The following UQCC1 variants were observed in gnomAD, a reference collection of about 807,000 sequenced individuals.
The protein encoded by UQCC1 is bFGF-repressed Zic-binding protein.
Under a neutral mutation model 48.0 loss-of-function variants are expected in UQCC1, and 38 were observed. The observed-to-expected ratio is 0.79, with a 90% CI of 0.61 to 1.04. The LOEUF (loss-of-function observed/expected upper bound fraction) is 1.04, where lower values mean the gene tolerates loss of function less well. Ranked by LOEUF, UQCC1 falls within the 50% of genes least tolerant of loss-of-function variation. The pLI is 0.00. For synonymous variants in UQCC1, 111 were observed against 129.2 expected (o/e 0.86, Z 0.95); for missense variants, 368 against 381.8 (o/e 0.96, Z 0.30).
intron 2 of UQCC1, among the ~76,000 whole-genome samples, chr20:35,385,880 T>G (rs2061936611): frequency 6.7e-6 from 1 of 149,950 alleles, no homozygotes; most frequent in African/African-American, 2.5e-5. Flanking sequence ...TTTAGGCTCA[T>G]AGCAAAACTT....
chr20:35,394,241 C>T (rs751188554), intron 1 of UQCC1, 45 bp from the exon 2 acceptor site: 6 of 1,523,852 alleles, frequency 3.9e-6, no homozygotes. Context: ...AAATCATACT[C>T]CCTACATGGA....
chr20:35,392,512 T>C (rs938598542), intron 2 of UQCC1, among the ~76,000 whole-genome samples: 61 of 152,192 alleles, frequency 4.0e-4, no homozygotes, highest in African/African-American at 1.4e-3. Flanking sequence ...ATTCATATAA[T>C]GAGTTATTTT....
At chr20:35,343,250 TG>T (rs67641324) in intron 7 of UQCC1, among the ~76,000 whole-genome samples, 4,261 of 152,278 alleles carry the variant, frequency 0.028, 209 homozygotes, top group African/African-American at 0.097. Context: ...ATTTTCAAGC[TG>T]AAAAAAAGCT....
chr20:35,389,481 T>G (rs2061987656), intron 2 of UQCC1, among the ~76,000 whole-genome samples: 1 of 151,816 alleles, frequency 6.6e-6, no homozygotes, highest in African/African-American at 2.4e-5. Flanking sequence ...GAGAATCACT[T>G]GAACCCGGGA....
Position 35,388,308 on chromosome 20 carries a change from T to TTTTG in UQCC1, c.130-4176_130-4175insCAAA, listed in dbSNP as rs67663221. 8.2e-5 allele frequency among the ~76,000 whole-genome samples: 10 copies of TTTTG among 121,248 alleles called. 1 individual carries two copies. The highest frequency in any genetic ancestry group is 2.6e-4 in the South Asian group (1 of 3,904). 79.5% of individuals were successfully genotyped at this position (121,248 alleles called of 152,430 possible). ...TTCTATTTCTTTTTTTCTTTTTTTT[T>TTTTG]GAGACAGGGTCTTGCTCTGTCACCC... On this transcript the variant is annotated intron_variant, in intron 2 of 9. Transcript: ENST00000374385.
At chr20:35,338,892 A>AAT (rs1555805505) in intron 7 of UQCC1, among the ~76,000 whole-genome samples, 9,666 of 30,410 alleles carry the variant, frequency 0.32, 2,049 homozygotes, top group Non-Finnish European at 0.35. Context: ...AAAAAAAAAA[A>AAT]ATATATATAT....
At chr20:35,347,130 T>G (rs965770545) in intron 7 of UQCC1, 34 bp downstream of exon 7, 4 of 1,614,140 alleles carry the variant, frequency 2.5e-6, no homozygotes, top group Admixed American at 3.3e-5. Context: ...TCTCTGGAAT[T>G]GTCCAGGACA....
intron 8 of UQCC1, among the ~76,000 whole-genome samples, 182 bp downstream of exon 8, chr20:35,314,506 G>A (rs2061035172): frequency 6.6e-6 from 1 of 152,092 alleles, no homozygotes; most frequent in African/African-American, 2.4e-5. Flanking sequence ...CATGTGGCAT[G>A]TTTCCCAAAC....
chr20:35,319,084 G>A (rs79476875), intron 7 of UQCC1, among the ~76,000 whole-genome samples: 4 of 152,056 alleles, frequency 2.6e-5, no homozygotes, highest in Non-Finnish European at 4.4e-5. Context: ...CAAGGAAAAG[G>A]TTCCTTTTAT....
At position 35,382,006 on chromosome 20, in the gene UQCC1, G is replaced by A. The variant is rs770955747; in HGVS notation, c.245C>T (p.Ser82Phe). ...TTRKLSTTKD[S>F]PQPVEEKVGA... ...AACCTTCTCCTCAACAGGCTGTGGGGAATCTTTGGTAGTAGAAAGCTGATT... is the reference window on the plus strand; with the variant it reads ...AACCTTCTCCTCAACAGGCTGTGGGAAATCTTTGGTAGTAGAAAGCTGATT... The change falls in exon 4 of 10, where the codon TCC (serine) becomes TTC (phenylalanine). Residue 82 changes from serine (S) to phenylalanine (F), a missense_variant. Physicochemically the swap from Ser to Phe is radical, Grantham distance 155 (BLOSUM62 -2). Transcript: ENST00000374385. The A allele has an allele frequency of 6.2e-7, 1 of 1,605,252 alleles. No homozygotes were observed. The highest frequency in any genetic ancestry group is 1.3e-5 in the African/African-American group (1 of 74,342).
At chr20:35,306,981 A>G in intron 8 of UQCC1, 1 of 602,918 alleles carries the variant, frequency 1.7e-6, no homozygotes, top group Non-Finnish European at 3.0e-6. Flanking sequence ...ATTTTATTAC[A>G]TACAGAGGGA....
chr20:35,310,749 G>A (rs1219153383), intron 8 of UQCC1, among the ~76,000 whole-genome samples: 1 of 133,912 alleles, frequency 7.5e-6, no homozygotes. Flanking sequence ...CTGGAGTGCA[G>A]TAGCGTGATC....
intron 1 of UQCC1, among the ~76,000 whole-genome samples, chr20:35,407,462 A>T (rs1053105904): frequency 6.7e-6 from 1 of 149,654 alleles, no homozygotes; most frequent in South Asian, 2.1e-4. Flanking sequence ...AAAAAAAAAT[A>T]AGTTGGACTT....
At chr20:35,337,586 C>T (rs1032062638) in intron 7 of UQCC1, among the ~76,000 whole-genome samples, 5 of 152,184 alleles carry the variant, frequency 3.3e-5, no homozygotes, top group African/African-American at 1.2e-4. Context: ...GGGTTCCTTT[C>T]CAGTTTAAAC....
At chr20:35,380,145 T>C (rs1361556934) in intron 4 of UQCC1, among the ~76,000 whole-genome samples, 1 of 152,182 alleles carries the variant, frequency 6.6e-6, no homozygotes, top group Non-Finnish European at 1.5e-5. Flanking sequence ...TAATTTCTAA[T>C]TTTCAAACAA....
At chr20:35,391,109 T>C (rs920794841) in intron 2 of UQCC1, among the ~76,000 whole-genome samples, 1 of 151,648 alleles carries the variant, frequency 6.6e-6, no homozygotes, top group Non-Finnish European at 1.5e-5. Flanking sequence ...GGCAAGACAA[T>C]CACTTGAACA....
intron 7 of UQCC1, chr20:35,345,499 A>T (rs1233869457): frequency 1.3e-5 from 2 of 152,206 alleles, no homozygotes; most frequent in East Asian, 3.8e-4. Flanking sequence ...AGCTGAAAAA[A>T]TACTTTTTTT....
intron 7 of UQCC1, among the ~76,000 whole-genome samples, chr20:35,324,548 G>A (rs939232537): frequency 1.6e-4 from 24 of 152,224 alleles, no homozygotes; most frequent in East Asian, 5.8e-4. Flanking sequence ...GGATGGTCTC[G>A]ATCTCCTGAC....
At chr20:35,372,108 G>A (rs1316734413) in intron 5 of UQCC1, among the ~76,000 whole-genome samples, 2 of 151,416 alleles carry the variant, frequency 1.3e-5, no homozygotes, top group Non-Finnish European at 2.9e-5. Context: ...TCAGGAGTTC[G>A]AGACCAGCCT....
Sources: allele counts gnomAD v4.1 joint callset (sites outside exome capture counted in the v4.1 genomes callset), GRCh38; gene constraint gnomAD v4.1.1; transcripts MANE v1.5; gene names NCBI Gene and HGNC (gene_info 2026-07-23, HGNC 2026-07-21).